SLC26A9: variants seen among roughly 807,000 people sequenced by gnomAD.
SLC26A9 encodes the protein solute carrier family 26 member 9, also known as anion transporter/exchanger protein 9.
Under a neutral mutation model 87.1 loss-of-function variants are expected in SLC26A9, and 46 were observed. The ratio of observed to expected loss-of-function variants is 0.53; its 90% CI spans 0.42 to 0.67. SLC26A9 has a LOEUF of 0.67. Ranked by LOEUF, SLC26A9 falls within the 30% of genes least tolerant of loss-of-function variation. The pLI is 0.00. For synonymous variants in SLC26A9, 437 were observed against 409.1 expected, an observed-to-expected ratio of 1.07 and a Z score of -0.82; for missense variants, 927 against 1,018.3, an observed-to-expected ratio of 0.91 and a Z score of 1.22.
At chr1:205,923,796 C>T (rs1470504697) in intron 13 of SLC26A9, among the ~76,000 whole-genome samples, 183 bp from the exon 14 acceptor site, 1 of 152,158 alleles carries the variant, frequency 6.6e-6, no homozygotes, top group Admixed American at 6.5e-5. Context: ...CCTCCTATAA[C>T]TATGAGGATG....
Position 205,915,330 on chromosome 1 carries a change from T to C in SLC26A9, c.*27A>G, listed in dbSNP as rs753841955. 5.0e-6 allele frequency: 8 copies of C among 1,613,932 alleles called. No homozygotes were observed. The highest frequency in any genetic ancestry group is 2.2e-5 in the East Asian group (1 of 44,876). On this transcript the variant is annotated 3_prime_UTR_variant, in exon 21 of 21. Transcript: ENST00000367135. ...GAAGTCCCAAGTGCCAGGCACTCTG[T>C]AGGCAGCATGAGGACTGGCTGAGCC...
At chr1:205,939,927 C>T (rs56049511) in intron 1 of SLC26A9, among the ~76,000 whole-genome samples, 1,795 of 152,292 alleles carry the variant, frequency 0.012, 41 homozygotes, top group African/African-American at 0.042. Flanking sequence ...CCCCCACCAC[C>T]CCTCCACTGC....
chr1:205,923,602 T>G lies in SLC26A9; in HGVS notation c.1508A>C (p.Tyr503Ser). Residue 503 changes from tyrosine (Y) to serine (S), a missense_variant, in exon 14 of 21, where the codon TAT (tyrosine) becomes TCT (serine). Coordinates refer to ENST00000367135, the MANE Select transcript of SLC26A9 (RefSeq NM_052934.4). ...AGTGTCCATGACCTGGGCCAGTGCA[T>G]AGCCATTTCGACTGGATGAAGCAGG... ...VVFQTQFRNG[Y>S]ALAQVMDTDI... 6.2e-7 allele frequency: 1 copy of G among 1,614,196 alleles called. No homozygotes were observed. Among genetic ancestry groups the G allele is most frequent in the Non-Finnish European group, 8.5e-7 (1 of 1,180,026 alleles).
rs1240309126 is a variant in SLC26A9, at chr1:205,927,570, G to C, written c.1137C>G (p.Gly379=). The change falls in exon 10 of 21, where the codon GGC becomes GGG. Residue 379 remains glycine (G), a synonymous_variant. Coordinates refer to ENST00000367135, the MANE Select transcript of SLC26A9 (RefSeq NM_052934.4). The part of the protein sequence containing the change: ...MIALGCSNFF[G]SFFKIHVICC... The stretch of plus-strand genomic sequence containing the variant: ...AAATGACATGAATTTTAAAGAAGGA[G>C]CCAAAGAAGTTGCTGCAGCCGAGAG... 3.1e-6 allele frequency: 5 copies of C among 1,614,012 alleles called. No individual in the cohort carries two copies. The highest frequency in any genetic ancestry group is 4.2e-6 in the Non-Finnish European group (5 of 1,179,998).
chr1:205,927,748 G>A (rs1659136445), intron 9 of SLC26A9, 143 bp from the exon 10 acceptor site: 8 of 1,410,672 alleles, frequency 5.7e-6, no homozygotes, highest in Non-Finnish European at 7.8e-6. Flanking sequence ...CCAGTCAAGA[G>A]GAGGTCAGCC....
At position 205,939,954 on chromosome 1, in the gene SLC26A9, G is replaced by A. The variant is rs115428543; in HGVS notation, c.-19+3411C>T. 3.5e-3 allele frequency among the ~76,000 whole-genome samples: 533 copies of A among 152,216 alleles called. 2 individuals are homozygous for A. The highest frequency in any genetic ancestry group is 0.011 in the African/African-American group (473 of 41,524). The stretch of plus-strand genomic sequence containing the variant: ...CTCCACTGCCTTCCATCCCCCTACC[G>A]GGCCAGGGATAAATAGCAGGTGCCA... On this transcript the variant is annotated intron_variant, in intron 1 of 20. Transcript: ENST00000367135.
rs1221560567 is a variant in SLC26A9 at position 205,914,967 on chromosome 1, C to T, written c.*390G>A. The T allele has an allele frequency of 1.9e-6, 3 of 1,614,172 alleles. No individual in the cohort carries two copies. The Admixed American group carries it at 5.0e-5, about 27-fold the overall frequency. ...GGGACACTTTTTGAAGCTTGTACAG[C>T]AGGCCAGCACAGTTGTACTTGTCCT... On this transcript the variant is annotated 3_prime_UTR_variant, in exon 21 of 21. Coordinates refer to ENST00000367135, the MANE Select transcript of SLC26A9 (RefSeq NM_052934.4).
At chr1:205,940,848 T>G (rs1659713030) in intron 1 of SLC26A9, among the ~76,000 whole-genome samples, 1 of 152,180 alleles carries the variant, frequency 6.6e-6, no homozygotes, top group Non-Finnish European at 1.5e-5. Context: ...GACGCATGTG[T>G]GCCAGGTACG....
chr1:205,922,887 A>G (rs1283352568), intron 16 of SLC26A9, among the ~76,000 whole-genome samples, 195 bp downstream of exon 16: 3 of 152,170 alleles, frequency 2.0e-5, no homozygotes, highest in Non-Finnish European at 4.4e-5. Flanking sequence ...TGACAAGAGC[A>G]AAATTCCATC....
chr1:205,923,438 G>A lies in SLC26A9; in HGVS notation c.1567-11C>T. 4 of 1,614,156 alleles carry A rather than the reference G, an allele frequency of 2.5e-6. No individual in the cohort carries two copies. Among genetic ancestry groups the A allele is most frequent in the South Asian group, 1.1e-5 (1 of 91,078 alleles). ...CTGGATATCCTGGGCCTGTGACAGGGAGACTGAGCTCAAGTTGCAGAAATG... is the reference window on the plus strand; with the variant it reads ...CTGGATATCCTGGGCCTGTGACAGGAAGACTGAGCTCAAGTTGCAGAAATG... On this transcript the variant is annotated splice_polypyrimidine_tract_variant and intron_variant, in intron 14 of 20. Transcript: ENST00000367135.
At chr1:205,917,473 G>T in intron 19 of SLC26A9, 119 bp from the exon 20 acceptor site, 2 of 934,232 alleles carry the variant, frequency 2.1e-6, no homozygotes, top group South Asian at 2.8e-5. Context: ...CCTGACACAT[G>T]ACTTATCCTC....
intron 11 of SLC26A9, 53 bp from the exon 12 acceptor site, chr1:205,926,683 C>T (rs1272130070): frequency 1.3e-6 from 2 of 1,512,008 alleles, no homozygotes; most frequent in East Asian, 2.3e-5. Flanking sequence ...TTCTTTTTGC[C>T]CTCCTGCGCA....
chr1:205,936,567 G>A (rs944400314), intron 1 of SLC26A9, among the ~76,000 whole-genome samples: 2 of 152,130 alleles, frequency 1.3e-5, no homozygotes, highest in Admixed American at 1.3e-4. Context: ...TGAGTGCCAG[G>A]GCCCCTGAGG....
intron 12 of SLC26A9, chr1:205,924,794 G>GTGTT (rs146887701): frequency 1.2e-4 from 35 of 296,544 alleles, no homozygotes; most frequent in Non-Finnish European, 5.7e-5. Context: ...GGTTCAAAAT[G>GTGTT]TGTTTGTTTG....
In SLC26A9 at chr1:205,921,550, T is replaced by TC. The variant is rs563568997; in HGVS notation, c.2055+15_2055+16insG. ...GGGGTGGAGTGGGTGGTGCTTGCTGTTCCCGAGGGCCTCACCTTGGCCAGG... is the reference window on the plus strand; with the variant it reads ...GGGGTGGAGTGGGTGGTGCTTGCTGTCTCCCGAGGGCCTCACCTTGGCCAGG... On this transcript the variant is annotated intron_variant, in intron 17 of 20. Transcript: ENST00000367135. 1.4e-3 allele frequency: 2,209 copies of TC among 1,599,818 alleles called. 32 individuals are homozygous for TC. The African/African-American group carries it at 0.027, about 19-fold the overall frequency.
chr1:205,919,007 T>G, intron 18 of SLC26A9, 22 bp from the exon 19 acceptor site: 5 of 1,612,560 alleles, frequency 3.1e-6, no homozygotes, highest in Non-Finnish European at 4.2e-6. Context: ...AAAGATCACC[T>G]TCAGAAAGAT....
intron 12 of SLC26A9, 42 bp downstream of exon 12, chr1:205,926,493 G>A: frequency 6.6e-7 from 1 of 1,526,120 alleles, no homozygotes; most frequent in Non-Finnish European, 9.1e-7. Flanking sequence ...TGGAGGAGAG[G>A]GCAGGGGCAT....
rs1658449379 is a variant in SLC26A9, at chr1:205,913,385, A to T, written c.*1972T>A. ...TCTGCAACCCTCAGACATGTGGCAG[A>T]TCTCTCCCTGAGCCTCAACTCCAGG... On this transcript the variant is annotated 3_prime_UTR_variant, in exon 21 of 21. Transcript: ENST00000367135. 6.6e-6 allele frequency: 1 copy of T among 152,522 alleles called. No individual in the cohort carries two copies. Among genetic ancestry groups the T allele is most frequent in the Non-Finnish European group, 1.5e-5 (1 of 68,030 alleles). The allele number at this position is 152,522 out of a possible 1,614,324, so 9.4% of individuals were successfully genotyped here.
At chr1:205,921,354 C>T (rs1410075910) in intron 17 of SLC26A9, among the ~76,000 whole-genome samples, 1 of 152,186 alleles carries the variant, frequency 6.6e-6, no homozygotes, top group African/African-American at 2.4e-5. Context: ...ACTTGTCCCG[C>T]CACTCATTGT....
Sources: gnomAD v4.1 joint callset for allele counts (sites outside exome capture counted in the v4.1 genomes callset) on GRCh38, gnomAD v4.1.1 for gene constraint, MANE v1.5 for transcripts, NCBI Gene and HGNC (gene_info 2026-07-23, HGNC 2026-07-21) for gene names.